The following DOCK4 variants were observed in gnomAD, a reference collection of about 807,000 sequenced individuals.
The protein encoded by DOCK4 is dedicator of cytokinesis protein 4.
A neutral mutation model predicts 268.1 loss-of-function variants in DOCK4; 97 were observed. The observed-to-expected ratio is 0.36, with a 90% confidence interval of 0.31 to 0.43. The LOEUF is 0.43. Ranked by LOEUF, DOCK4 falls within the 20% of genes least tolerant of loss-of-function variation. The pLI is 1.00. For synonymous variants in DOCK4, 954 were observed against 887.2 expected, an observed-to-expected ratio of 1.08 and a Z score of -1.34; for missense variants, 2,145 against 2,455.7, an observed-to-expected ratio of 0.87 and a Z score of 2.67.
chr7:112,050,733 A>G (rs1176635849), intron 1 of DOCK4, among the ~76,000 whole-genome samples: 2 of 152,122 alleles, frequency 1.3e-5, no homozygotes, highest in Non-Finnish European at 2.9e-5. Context: ...CTCTTTCAAA[A>G]TCAACTTTTA....
chr7:111,957,720 T>C (rs1796554965), intron 8 of DOCK4, among the ~76,000 whole-genome samples: 2 of 152,178 alleles, frequency 1.3e-5, no homozygotes, highest in Non-Finnish European at 2.9e-5. Context: ...AATGAGTGTA[T>C]GGCCCTGAGA....
intron 1 of DOCK4, among the ~76,000 whole-genome samples, chr7:112,199,632 T>TTG (rs1380080942): frequency 1.3e-5 from 2 of 152,196 alleles, no homozygotes; most frequent in African/African-American, 4.8e-5. Flanking sequence ...TATAGTTCAC[T>TTG]TTTTTAATAA....
chr7:112,199,998 C>T (rs940998343), intron 1 of DOCK4, among the ~76,000 whole-genome samples: 2 of 152,186 alleles, frequency 1.3e-5, no homozygotes, highest in African/African-American at 4.8e-5. Context: ...TAATTAAATT[C>T]TTTGTTAAAA....
At chr7:112,058,979 G>A (rs1203666983) in intron 1 of DOCK4, among the ~76,000 whole-genome samples, 1 of 152,152 alleles carries the variant, frequency 6.6e-6, no homozygotes, top group African/African-American at 2.4e-5. Context: ...AAGGACATCT[G>A]TGGCTTCCTA....
intron 1 of DOCK4, among the ~76,000 whole-genome samples, chr7:112,133,617 G>C (rs1814023722): frequency 1.3e-5 from 2 of 152,060 alleles, no homozygotes; most frequent in Admixed American, 6.6e-5. Flanking sequence ...GCTACTTGAG[G>C]GCTGAGGCAG....
intron 28 of DOCK4, among the ~76,000 whole-genome samples, chr7:111,809,681 T>C (rs1800938013): frequency 6.6e-6 from 1 of 152,218 alleles, no homozygotes; most frequent in South Asian, 2.1e-4. Flanking sequence ...CAAAGCTGTA[T>C]TCCAGGTTTC....
At chr7:112,153,342 G>A (rs1816281064) in intron 1 of DOCK4, among the ~76,000 whole-genome samples, 1 of 152,096 alleles carries the variant, frequency 6.6e-6, no homozygotes, top group Non-Finnish European at 1.5e-5. Context: ...AAATCACAGT[G>A]TTTTTAATAG....
chr7:111,763,581 T>C (rs1420104707), intron 39 of DOCK4, among the ~76,000 whole-genome samples: 1 of 152,228 alleles, frequency 6.6e-6, no homozygotes, highest in African/African-American at 2.4e-5. Flanking sequence ...TTTTAAAACT[T>C]TATACTTTTA....
chr7:111,872,052 A>G lies in DOCK4; in HGVS notation c.1965T>C (p.His655=). The change falls in exon 20 of 53, where the codon CAT becomes CAC. Residue 655 remains histidine, a synonymous_variant. Transcript: ENST00000428084. ...IINLLQDSKF[H]HFKPVMDTYI... is the part of the protein sequence containing the mutation. ...AAGTGTCCATTACAGGTTTAAAATG[A>G]TGAAATTTGCTATCTTGCAGCAAAT... 6.4e-7 allele frequency: 1 copy of G among 1,554,564 alleles called. No individual in the cohort carries two copies. Among genetic ancestry groups the G allele is most frequent in the Non-Finnish European group, 8.7e-7 (1 of 1,148,920 alleles).
chr7:111,899,119 C>G (rs779834026), intron 15 of DOCK4, among the ~76,000 whole-genome samples: 1 of 152,168 alleles, frequency 6.6e-6, no homozygotes, highest in Non-Finnish European at 1.5e-5. Flanking sequence ...TTTTAAGACC[C>G]TGCTAGCTCT....
In DOCK4 at chr7:111,809,797, G is replaced by A. The variant is rs145338695; in HGVS notation, c.3007-396C>T. On this transcript the variant is annotated intron_variant, in intron 28 of 52. Coordinates refer to ENST00000428084, the MANE Select transcript of DOCK4 (RefSeq NM_001363540.2). Reference sequence around the variant, plus strand: ...ATAAGATGGATTTCTTTATTCCTGTGTGAGTTCATTTTTGGAACTCCTTTT... The same window carrying A: ...ATAAGATGGATTTCTTTATTCCTGTATGAGTTCATTTTTGGAACTCCTTTT... 7.3e-3 allele frequency among the ~76,000 whole-genome samples: 1,119 copies of A among 152,264 alleles called. 7 individuals carry two copies. Among genetic ancestry groups the A allele is most frequent in the Non-Finnish European group, 0.011 (774 of 68,024 alleles).
chr7:112,028,551 T>C (rs1284004795), intron 1 of DOCK4, among the ~76,000 whole-genome samples: 8 of 152,356 alleles, frequency 5.3e-5, no homozygotes, highest in African/African-American at 1.7e-4. Context: ...TGTCGAATAA[T>C]AACTTAAAAC....
rs1814268929 is a variant in DOCK4 at position 112,135,684 on chromosome 7, G to T, written c.37+70418C>A. Reference sequence around the variant, plus strand: ...ATCTAGAATAGAAATTCAAACACCAGAAACTTTGAAGAAAAAAAAAAGGTA... The same window carrying T: ...ATCTAGAATAGAAATTCAAACACCATAAACTTTGAAGAAAAAAAAAAGGTA... On this transcript the variant is annotated intron_variant, in intron 1 of 52. Coordinates refer to ENST00000428084, the MANE Select transcript of DOCK4 (RefSeq NM_001363540.2). 1.4e-5 allele frequency among the ~76,000 whole-genome samples: 2 copies of T among 145,888 alleles called. 1 individual carries two copies. The highest frequency in any genetic ancestry group is 4.3e-4 in the South Asian group (2 of 4,634).
intron 1 of DOCK4, among the ~76,000 whole-genome samples, chr7:112,202,771 A>T (rs1821058943): frequency 6.6e-6 from 1 of 152,100 alleles, no homozygotes; most frequent in Non-Finnish European, 1.5e-5. Flanking sequence ...AATTAAAAAA[A>T]AAAAAATGAA....
Position 111,847,100 on chromosome 7 carries a change from C to G in DOCK4, c.2500G>C (p.Val834Leu), listed in dbSNP as rs755403717. The change falls in exon 24 of 53, where the codon GTG (valine) becomes CTG (leucine). Residue 834 changes from valine (V) to leucine (L), a missense_variant. Physicochemically the swap from Val to Leu is conservative, Grantham distance 32 (BLOSUM62 1). Around this residue, in one of 2 missense-constraint regions of DOCK4, gnomAD observed 1,598 missense variants for 1,986.7 expected, o/e 0.80. Transcript: ENST00000428084. ...PDSRYILLPV[V>L]LHHLHIHLQE... ...AAGTGAATGTGGAGGTGATGTAACA[C>G]GACAGGCAGAAGAATGTATCGGGAA... The G allele has an allele frequency of 6.2e-7, 1 of 1,613,716 alleles. No homozygotes were observed. Among genetic ancestry groups the G allele is most frequent in the East Asian group, 2.2e-5 (1 of 44,862 alleles).
chr7:112,113,694 A>G (rs1811863199), intron 1 of DOCK4, among the ~76,000 whole-genome samples: 1 of 138,272 alleles, frequency 7.2e-6, no homozygotes, highest in Non-Finnish European at 1.5e-5. Context: ...ATCCCTCCTG[A>G]GTAGCTGAGA....
intron 25 of DOCK4, chr7:111,840,908 G>C (rs1803635456): frequency 8.3e-7 from 1 of 1,200,624 alleles, no homozygotes; most frequent in African/African-American, 1.5e-5. Flanking sequence ...CAGATCTTCA[G>C]TCTCCAGAGA....
chr7:111,740,980 T>G (rs1357032642), intron 47 of DOCK4, 114 bp downstream of exon 47: 1 of 1,320,352 alleles, frequency 7.6e-7, no homozygotes, highest in African/African-American at 1.5e-5. Flanking sequence ...GGTTTGTCCT[T>G]AAGCCAAGTT....
intron 1 of DOCK4, among the ~76,000 whole-genome samples, chr7:112,052,402 T>A (rs1292757617): frequency 6.6e-6 from 1 of 152,174 alleles, no homozygotes; most frequent in African/African-American, 2.4e-5. Context: ...ATAAGTAATG[T>A]TGCATTTGGT....
Sources: allele counts gnomAD v4.1 joint callset (sites outside exome capture counted in the v4.1 genomes callset), GRCh38; gene constraint gnomAD v4.1.1; regional missense constraint gnomAD v4.1.1; transcripts MANE v1.5; gene names NCBI Gene and HGNC (gene_info 2026-07-23, HGNC 2026-07-21).